ATP13A3: variants seen among roughly 807,000 people sequenced by gnomAD.
ATP13A3 encodes polyamine-transporting ATPase 13A3.
Under a neutral mutation model 158.1 loss-of-function variants are expected in ATP13A3, and 59 were observed. The ratio of observed to expected loss-of-function variants is 0.37; its 90% confidence interval spans 0.30 to 0.46. The LOEUF is 0.46. Among genes scored for constraint, ATP13A3 ranks in the 20% least tolerant of loss-of-function variants. ATP13A3 has a pLI of 1.00. For synonymous variants in ATP13A3, 491 were observed against 504.3 expected, an observed-to-expected ratio of 0.97 and a Z score of 0.35; for missense variants, 1,166 against 1,525.2, an observed-to-expected ratio of 0.76 and a Z score of 3.92.
chr3:194,467,942 T>C (rs968157291), intron 2 of ATP13A3: 41 of 152,310 alleles, frequency 2.7e-4, no homozygotes, highest in African/African-American at 9.9e-4. Flanking sequence ...TCAAATTCGA[T>C]ATCAGAGAAA....
chr3:194,427,986 C>T (rs541565391), intron 28 of ATP13A3, among the ~76,000 whole-genome samples: 14 of 152,028 alleles, frequency 9.2e-5, no homozygotes, highest in African/African-American at 2.4e-4. Flanking sequence ...TTTGGGAGGC[C>T]GAGGCGGGCG....
intron 33 of ATP13A3, among the ~76,000 whole-genome samples, chr3:194,406,710 T>C (rs1017664232): frequency 6.6e-6 from 1 of 152,214 alleles, no homozygotes; most frequent in Admixed American, 6.5e-5. Context: ...ATGATCATTT[T>C]TGGAAGAAAG....
intron 2 of ATP13A3, among the ~76,000 whole-genome samples, chr3:194,470,813 T>C (rs1389893136): frequency 6.6e-6 from 1 of 152,160 alleles, no homozygotes; most frequent in South Asian, 2.1e-4. Context: ...TTTCAAAACA[T>C]TACTACTATC....
At chr3:194,461,415 C>T (rs1719652393) in intron 3 of ATP13A3, among the ~76,000 whole-genome samples, 1 of 152,022 alleles carries the variant, frequency 6.6e-6, no homozygotes, top group Non-Finnish European at 1.5e-5. Context: ...ATTTCTGTTG[C>T]ACAATATAAT....
At position 194,433,840 on chromosome 3, in the gene ATP13A3, A is replaced by G; in HGVS notation, c.2177T>C (p.Leu726Ser). Reference sequence around the variant, plus strand: ...AAGTACTGCAGGGGTTTCTTGCTTTAATTTGTTCTGCATTATAATTAATCC... The same window carrying G: ...AAGTACTGCAGGGGTTTCTTGCTTTGATTTGTTCTGCATTATAATTAATCC... Reference protein sequence around the residue: ...FMGLIIMQNKLKQETPAVLED... With the variant: ...FMGLIIMQNKSKQETPAVLED... Residue 726 changes from leucine (L) to serine (S), a missense_variant, in exon 21 of 34, where the codon TTA becomes TCA. This residue lies in a region of ATP13A3 where 997 missense variants were observed against 1,341.2 expected (regional missense o/e 0.74). Transcript: ENST00000645319. 5 of 1,614,024 alleles carry G rather than the reference A, an allele frequency of 3.1e-6. No homozygotes were observed. The highest frequency in any genetic ancestry group is 4.2e-6 in the Non-Finnish European group (5 of 1,179,904).
chr3:194,418,221 C>T (rs1377360397), intron 31 of ATP13A3, among the ~76,000 whole-genome samples: 1 of 152,078 alleles, frequency 6.6e-6, no homozygotes, highest in African/African-American at 2.4e-5. Context: ...GGATTAAAGA[C>T]TAAATGTGAG....
intron 16 of ATP13A3, among the ~76,000 whole-genome samples, chr3:194,440,375 T>C (rs1033918733): frequency 1.4e-4 from 21 of 151,896 alleles, no homozygotes; most frequent in Non-Finnish European, 2.1e-4. Flanking sequence ...GATTCCAGAG[T>C]ACAGAGCTCC....
At position 194,413,778 on chromosome 3, in the gene ATP13A3, A is replaced by G; in HGVS notation, c.3464T>C (p.Phe1155Ser). The change falls in exon 32 of 34, where the codon TTT (phenylalanine) becomes TCT (serine). Residue 1155 changes from phenylalanine to serine, a missense_variant. Physicochemically the swap from Phe to Ser is radical, Grantham distance 155 (BLOSUM62 -2). Around this residue, in one of 3 missense-constraint regions of ATP13A3, gnomAD observed 997 missense variants for 1,341.2 expected, o/e 0.74. Transcript: ENST00000645319. ...TMLIIVLVNAFVSITVENFFL... is the reference protein window; with the variant it reads ...TMLIIVLVNASVSITVENFFL... Reference sequence around the variant, plus strand: ...GCTTACCTCCACTGTGATAGACACAAAGGCATTGACAAGAACAATGATGAG... The same window carrying G: ...GCTTACCTCCACTGTGATAGACACAGAGGCATTGACAAGAACAATGATGAG... The G allele has an allele frequency of 6.2e-7, 1 of 1,613,752 alleles. No homozygotes were observed. Among genetic ancestry groups the G allele is most frequent in the Non-Finnish European group, 8.5e-7 (1 of 1,179,656 alleles).
chr3:194,437,250 G>C (rs781230505), intron 19 of ATP13A3, 35 bp from the exon 20 acceptor site: 5 of 1,613,764 alleles, frequency 3.1e-6, no homozygotes, highest in South Asian at 2.2e-5. Context: ...CATTGTTAGA[G>C]TTGCTAATAC....
intron 30 of ATP13A3, 139 bp from the exon 31 acceptor site, chr3:194,420,106 GCT>G: frequency 4.3e-6 from 4 of 937,458 alleles, no homozygotes; most frequent in Non-Finnish European, 5.8e-6. Context: ...TAAAGTATGT[GCT>G]CTGTTATCTC....
intron 17 of ATP13A3, among the ~76,000 whole-genome samples, chr3:194,438,521 A>G (rs896666480): frequency 2.0e-5 from 3 of 152,280 alleles, no homozygotes; most frequent in Non-Finnish European, 4.4e-5. Context: ...ACTGAGAATT[A>G]TATCTCAACA....
At chr3:194,436,967 A>C in intron 20 of ATP13A3, 128 bp downstream of exon 20, 1 of 1,234,912 alleles carries the variant, frequency 8.1e-7, no homozygotes, top group Non-Finnish European at 1.1e-6. Flanking sequence ...CAATCACCTA[A>C]AACAATATTA....
At position 194,453,788 on chromosome 3, in the gene ATP13A3, GA is replaced by G; in HGVS notation, c.766-11del. On this transcript the variant is annotated splice_polypyrimidine_tract_variant and intron_variant, in intron 9 of 33. Transcript: ENST00000645319. ...GCAACATAACATATTGCTGAAAGAGGAAAAAGAAGTTAGAAACTAGCCAATA... is the reference window on the plus strand; with the variant it reads ...GCAACATAACATATTGCTGAAAGAGGAAAAGAAGTTAGAAACTAGCCAATA... The G allele has an allele frequency of 6.2e-7, 1 of 1,608,802 alleles. No individual in the cohort carries two copies. The highest frequency in any genetic ancestry group is 8.5e-7 in the Non-Finnish European group (1 of 1,177,100).
rs557260246 is a variant in ATP13A3, at chr3:194,449,966, T to C, written c.970+179A>G. ...GTGACCAACACTATAGCACAGTATC[T>C]AGTATTACAGCTGAGTATAATGCAG... On this transcript the variant is annotated intron_variant, in intron 11 of 33. Coordinates refer to ENST00000645319, the MANE Select transcript of ATP13A3 (RefSeq NM_001367549.1). Among the ~76,000 whole-genome samples, 9 of 152,160 alleles carry C rather than the reference T, an allele frequency of 5.9e-5. No individual in the cohort carries two copies. The East Asian group carries it at 1.4e-3, about 23-fold the overall frequency.
At chr3:194,460,044 A>AT (rs1719534799) in intron 4 of ATP13A3, 73 bp from the exon 5 acceptor site, 1 of 1,229,498 alleles carries the variant, frequency 8.1e-7, no homozygotes, top group African/African-American at 1.5e-5. Flanking sequence ...TTTATTTTCC[A>AT]TTCTTTACAA....
At chr3:194,451,467 T>C (rs1718801628) in intron 10 of ATP13A3, 1 of 152,216 alleles carries the variant, frequency 6.6e-6, no homozygotes, top group Admixed American at 6.5e-5. Flanking sequence ...TCAAGTTGAA[T>C]GGTATGTCTG....
chr3:194,429,546 G>GAAGGTAA (rs1717065224), intron 27 of ATP13A3, 132 bp downstream of exon 27: 1 of 514,664 alleles, frequency 1.9e-6, no homozygotes, highest in Non-Finnish European at 3.3e-6. Context: ...ACAGTAAATT[G>GAAGGTAA]AAGGTAAATT....
intron 2 of ATP13A3, among the ~76,000 whole-genome samples, chr3:194,476,863 A>G (rs1435452538): frequency 6.6e-6 from 1 of 151,946 alleles, no homozygotes; most frequent in African/African-American, 2.4e-5. Flanking sequence ...AACGCACAAC[A>G]TGATGTATTT....
At position 194,425,516 on chromosome 3, in the gene ATP13A3, T is replaced by C. The variant is rs767520169; in HGVS notation, c.3139A>G (p.Thr1047Ala). The C allele has an allele frequency of 6.2e-7, 1 of 1,611,952 alleles. No homozygotes were observed. The highest frequency in any genetic ancestry group is 8.5e-7 in the Non-Finnish European group (1 of 1,179,424). ...GAAGAATTCCAAAACCCGCTTCCTGTTGTATTACAAGCACTAGAACACATG... is the reference window on the plus strand; with the variant it reads ...GAAGAATTCCAAAACCCGCTTCCTGCTGTATTACAAGCACTAGAACACATG... ...WHPKSDACNTTGSGFWNSSHV... is the reference protein window; with the variant it reads ...WHPKSDACNTAGSGFWNSSHV... Residue 1047 changes from threonine to alanine, a missense_variant, in exon 30 of 34, where the codon ACA becomes GCA. This residue lies in a region of ATP13A3 where 997 missense variants were observed against 1,341.2 expected (regional missense o/e 0.74). Coordinates refer to ENST00000645319, the MANE Select transcript of ATP13A3 (RefSeq NM_001367549.1).
Sources: allele counts gnomAD v4.1 joint callset (sites outside exome capture counted in the v4.1 genomes callset), GRCh38; gene constraint gnomAD v4.1.1; regional missense constraint gnomAD v4.1.1; transcripts MANE v1.5; gene names NCBI Gene and HGNC (gene_info 2026-07-23, HGNC 2026-07-21).